APC: variants seen among roughly 807,000 people sequenced by gnomAD.
APC encodes APC regulator of Wnt signaling pathway, also known as adenomatous polyposis coli protein.
Under a neutral mutation model 247.0 loss-of-function variants are expected in APC, and 72 were observed. The ratio of observed to expected loss-of-function variants is 0.29; its 90% CI spans 0.24 to 0.35. The LOEUF is 0.35. Ranked by LOEUF, APC falls within the 10% of genes least tolerant of loss-of-function variation. The pLI is 1.00. For synonymous variants in APC, 1,254 were observed against 1,162.5 expected, an observed-to-expected ratio of 1.08 and a Z score of -1.60; for missense variants, 3,400 against 3,360.7, an observed-to-expected ratio of 1.01 and a Z score of -0.29.
intron 9 of APC, among the ~76,000 whole-genome samples, chr5:112,817,387 A>T (rs772549685): frequency 6.6e-6 from 1 of 152,302 alleles, no homozygotes; most frequent in South Asian, 2.1e-4. Context: ...TATTCTCACT[A>T]TGAGGCTTAA....
Position 112,842,758 on chromosome 5 carries a change from C to A in APC, c.7164C>A (p.Ala2388=), listed in dbSNP as rs1554088092. 6.2e-7 allele frequency: 1 copy of A among 1,613,906 alleles called. No homozygotes were observed. Among genetic ancestry groups the A allele is most frequent in the Non-Finnish European group, 8.5e-7 (1 of 1,179,850 alleles). Residue 2388 remains alanine (A), a synonymous_variant, in exon 16 of 16, where the codon GCC becomes GCA. Coordinates refer to ENST00000257430, the MANE Select transcript of APC (RefSeq NM_000038.6). ...LTKQTGLSKN[A]SSIPRSESAS... ...AACAAACAGGTTTATCCAAGAATGC[C>A]AGTAGTATTCCAAGAAGTGAGTCTG...
chr5:112,793,992 G>A (rs1389098572), intron 7 of APC, among the ~76,000 whole-genome samples: 1 of 151,252 alleles, frequency 6.6e-6, no homozygotes, highest in East Asian at 1.9e-4. Context: ...AAGTAGGGTA[G>A]GCATTTCTTA....
At chr5:112,763,593 A>G (rs1755915807) in intron 2 of APC, among the ~76,000 whole-genome samples, 1 of 152,200 alleles carries the variant, frequency 6.6e-6, no homozygotes, top group African/African-American at 2.4e-5. Context: ...AATTAGATGT[A>G]TGTCCAATGA....
chr5:112,801,513 A>G, intron 8 of APC, 130 bp downstream of exon 8: 2 of 643,506 alleles, frequency 3.1e-6, no homozygotes, highest in Non-Finnish European at 5.5e-6. Context: ...TTCCAGAAGC[A>G]TTCAGTACCA....
chr5:112,749,479 A>T (rs1476519527), intron 1 of APC, among the ~76,000 whole-genome samples: 8 of 104,064 alleles, frequency 7.7e-5, no homozygotes, highest in Admixed American at 1.2e-4. Flanking sequence ...TACTGCTCCA[A>T]TTTTTTTTTT....
rs1766752417 is a variant in APC at position 112,844,048 on chromosome 5, C to T, written c.8454C>T (p.Ser2818=). The T allele has an allele frequency of 6.2e-7, 1 of 1,602,326 alleles. No homozygotes were observed. The highest frequency in any genetic ancestry group is 8.5e-7 in the Non-Finnish European group (1 of 1,177,076). ...ATAACAACACAAAGAAGCGAGATTC[C>T]AAAACTGACAGCACAGAATCCAGTG... ...PVNNNTKKRD[S]KTDSTESSGT... is the part of the protein sequence containing the mutation. The change falls in exon 16 of 16, where the codon TCC becomes TCT. Residue 2818 remains serine (S), a synonymous_variant. Transcript: ENST00000257430.
rs776160547 is a variant in APC at position 112,841,756 on chromosome 5, A to G, written c.6162A>G (p.Ser2054=). The change falls in exon 16 of 16, where the codon TCA becomes TCG. Residue 2054 remains serine, a synonymous_variant. Transcript: ENST00000257430. This position sits in a 1 kb window ranked among gnomAD's most constrained non-coding sequence, Gnocchi z 4.6. ...SSAMPKKKKP[S]RLKGDNEKHS... ...CAATGCCAAAAAAGAAAAAGCCTTC[A>G]AGACTCAAGGGTGATAATGAAAAAC... The G allele has an allele frequency of 3.4e-5, 55 of 1,613,954 alleles. 1 individual carries two copies. The South Asian group carries it at 4.0e-4, about 12-fold the overall frequency.
At chr5:112,709,162 C>T (rs139565305) in intron 1 of APC, among the ~76,000 whole-genome samples, 1 of 152,252 alleles carries the variant, frequency 6.6e-6, no homozygotes, top group African/African-American at 2.4e-5. Context: ...GCTAGATGTT[C>T]TCCAAAGTTG....
chr5:112,818,859 T>TGGG, intron 9 of APC, 107 bp from the exon 10 acceptor site: 3 of 1,044,574 alleles, frequency 2.9e-6, no homozygotes, highest in East Asian at 5.8e-5. Flanking sequence ...GGGGGGGTTG[T>TGGG]TTTGTTTTTT....
intron 1 of APC, among the ~76,000 whole-genome samples, chr5:112,744,139 C>A (rs774806079): frequency 6.6e-6 from 1 of 152,060 alleles, no homozygotes; most frequent in Non-Finnish European, 1.5e-5. Context: ...ACTGTGCTCA[C>A]ACCTGTAACA....
At chr5:112,834,129 A>G (rs1764605856) in intron 14 of APC, among the ~76,000 whole-genome samples, 1 of 150,480 alleles carries the variant, frequency 6.6e-6, no homozygotes, top group African/African-American at 2.4e-5. Context: ...TTTTGTACAG[A>G]CGGGATTTCA....
At chr5:112,749,722 T>G (rs184654626) in intron 1 of APC, among the ~76,000 whole-genome samples, 2 of 151,754 alleles carry the variant, frequency 1.3e-5, no homozygotes, top group African/African-American at 4.8e-5. Flanking sequence ...CCTGACCTCG[T>G]GATCCACCCG....
At chr5:112,835,763 G>A (rs1413336756) in intron 15 of APC, among the ~76,000 whole-genome samples, 1 of 151,648 alleles carries the variant, frequency 6.6e-6, no homozygotes, top group African/African-American at 2.4e-5. Context: ...TGGTAGAGAT[G>A]GGGTTTCACA....
At chr5:112,819,970 C>T (rs1460166178) in intron 10 of APC, among the ~76,000 whole-genome samples, 1 of 152,104 alleles carries the variant, frequency 6.6e-6, no homozygotes, top group Non-Finnish European at 1.5e-5. Flanking sequence ...TCCTACTGTA[C>T]CATCCAGCTG....
chr5:112,723,693 G>T (rs1428824223), intron 1 of APC, among the ~76,000 whole-genome samples: 1 of 152,156 alleles, frequency 6.6e-6, no homozygotes, highest in Non-Finnish European at 1.5e-5. Flanking sequence ...TTTATATGCT[G>T]TATTAACTGC....
At chr5:112,790,039 T>C (rs929322957) in intron 6 of APC, among the ~76,000 whole-genome samples, 6 of 152,020 alleles carry the variant, frequency 3.9e-5, no homozygotes, top group African/African-American at 1.4e-4. Context: ...TTTGTATTTT[T>C]TGTAGAGACG....
chr5:112,713,180 A>AAC (rs1750961256), intron 1 of APC, among the ~76,000 whole-genome samples: 1 of 152,052 alleles, frequency 6.6e-6, no homozygotes, highest in East Asian at 1.9e-4. Context: ...CAAAAAAAAA[A>AAC]AAAAAACCAG....
At chr5:112,743,475 T>TA (rs1753277273) in intron 1 of APC, among the ~76,000 whole-genome samples, 2 of 152,244 alleles carry the variant, frequency 1.3e-5, no homozygotes, top group African/African-American at 4.8e-5. Flanking sequence ...GAATGTGTGT[T>TA]ACTTTCTTTT....
intron 1 of APC, among the ~76,000 whole-genome samples, chr5:112,732,466 T>C (rs1423498444): frequency 6.6e-6 from 1 of 152,076 alleles, no homozygotes; most frequent in Non-Finnish European, 1.5e-5. Flanking sequence ...GGGGCCAGAG[T>C]TTTAACTTAG....
Sources: allele counts gnomAD v4.1 joint callset (sites outside exome capture counted in the v4.1 genomes callset), GRCh38; gene constraint gnomAD v4.1.1; non-coding constraint Gnocchi (gnomAD v3.1); transcripts MANE v1.5; gene names NCBI Gene and HGNC (gene_info 2026-07-23, HGNC 2026-07-21).